HSF2BP: variants seen among roughly 807,000 people sequenced by gnomAD.
The protein encoded by HSF2BP is heat shock factor 2-binding protein.
Under a neutral mutation model 35.0 loss-of-function variants are expected in HSF2BP, and 35 were observed. That is an observed-to-expected ratio of 1.00 (90% CI 0.76 to 1.32). The LOEUF (loss-of-function observed/expected upper bound fraction) is 1.32. Ranked by LOEUF, HSF2BP falls within the 40% of genes most tolerant of loss-of-function variation. The pLI is 0.00. For synonymous variants in HSF2BP, 114 were observed against 117.4 expected, an observed-to-expected ratio of 0.97 and a Z score of 0.18; for missense variants, 326 against 321.7, an observed-to-expected ratio of 1.01 and a Z score of -0.10.
intron 8 of HSF2BP, among the ~76,000 whole-genome samples, chr21:43,576,176 T>G (rs2146679694): frequency 6.6e-6 from 1 of 150,956 alleles, no homozygotes; most frequent in Middle Eastern, 3.5e-3. Flanking sequence ...TATGTAATGA[T>G]ATCAATCTCA....
At chr21:43,625,293 T>C (rs971677584) in intron 6 of HSF2BP, among the ~76,000 whole-genome samples, 4 of 151,780 alleles carry the variant, frequency 2.6e-5, no homozygotes, top group African/African-American at 7.3e-5. Context: ...AGCAGATACA[T>C]GAAGCAAGCA....
At chr21:43,585,995 G>C (rs2081845900) in intron 8 of HSF2BP, among the ~76,000 whole-genome samples, 1 of 152,168 alleles carries the variant, frequency 6.6e-6, no homozygotes, top group South Asian at 2.1e-4. Flanking sequence ...CACAAATCTG[G>C]AGAACCTGAT....
chr21:43,631,297 T>C (rs1267900055), intron 5 of HSF2BP, among the ~76,000 whole-genome samples: 1 of 152,210 alleles, frequency 6.6e-6, no homozygotes, highest in East Asian at 1.9e-4. Flanking sequence ...TTTCCAGTCA[T>C]GATCACGCCA....
At chr21:43,644,688 T>C (rs1375673332) in intron 3 of HSF2BP, among the ~76,000 whole-genome samples, 2 of 152,204 alleles carry the variant, frequency 1.3e-5, no homozygotes, top group African/African-American at 4.8e-5. Context: ...AAACATGTTA[T>C]TTAAAGGATG....
intron 2 of HSF2BP, 69 bp from the exon 3 acceptor site, chr21:43,656,806 T>G: frequency 7.3e-7 from 1 of 1,371,554 alleles, no homozygotes; most frequent in Non-Finnish European, 1.0e-6. Context: ...TCAAGTTAAC[T>G]TGCTTTTCTT....
chr21:43,626,114 A>G (rs1234252393), intron 6 of HSF2BP, among the ~76,000 whole-genome samples: 6 of 152,232 alleles, frequency 3.9e-5, no homozygotes, highest in Non-Finnish European at 8.8e-5. Context: ...GAACGTATAG[A>G]ATGCTGCCCT....
chr21:43,656,929 T>C (rs546547401), intron 2 of HSF2BP, among the ~76,000 whole-genome samples, 192 bp from the exon 3 acceptor site: 1 of 152,314 alleles, frequency 6.6e-6, no homozygotes, highest in South Asian at 2.1e-4. Flanking sequence ...GCTTCAGCCT[T>C]CAAAAAGGGA....
intron 3 of HSF2BP, among the ~76,000 whole-genome samples, chr21:43,655,433 C>T (rs751073723): frequency 7.9e-5 from 12 of 152,310 alleles, no homozygotes; most frequent in Non-Finnish European, 1.8e-4. Context: ...GCAGAGATAA[C>T]AGAACCACCA....
Position 43,592,843 on chromosome 21 carries a change from G to C in HSF2BP, c.693-515C>G, listed in dbSNP as rs531014063. On this transcript the variant is annotated intron_variant, in intron 7 of 8. Transcript: ENST00000291560. ...ACCATCCCTCACAACCAACAGAGCAGTTTACTGAATAGGACAGGACTTTAT... is the reference window on the plus strand; with the variant it reads ...ACCATCCCTCACAACCAACAGAGCACTTTACTGAATAGGACAGGACTTTAT... 1.0e-3 allele frequency among the ~76,000 whole-genome samples: 153 copies of C among 152,280 alleles called. 2 individuals are homozygous for C. Among genetic ancestry groups the C allele is most frequent in the Admixed American group, 4.3e-3 (66 of 15,284 alleles).
chr21:43,576,423 G>A (rs2081644885), intron 8 of HSF2BP, among the ~76,000 whole-genome samples: 1 of 152,148 alleles, frequency 6.6e-6, no homozygotes, highest in Admixed American at 6.5e-5. Context: ...CTGGCATAAA[G>A]ATTACACCAA....
chr21:43,614,834 T>C (rs939535266), intron 6 of HSF2BP, among the ~76,000 whole-genome samples: 4 of 152,226 alleles, frequency 2.6e-5, no homozygotes, highest in Non-Finnish European at 5.9e-5. Flanking sequence ...GAATATTCAA[T>C]CTATATTTGC....
chr21:43,606,980 C>T lies in HSF2BP; in HGVS notation c.692+6850G>A, dbSNP rs530286684. 1.0e-3 allele frequency among the ~76,000 whole-genome samples: 152 copies of T among 152,246 alleles called. 2 individuals carry two copies. Among genetic ancestry groups the T allele is most frequent in the African/African-American group, 3.4e-3 (141 of 41,540 alleles). ...AAGACATAGAGATATCCACTCTTAC[C>T]GCACCTATTCAACACAGAACTGGAG... On this transcript the variant is annotated intron_variant, in intron 7 of 8. Coordinates refer to ENST00000291560, the MANE Select transcript of HSF2BP (RefSeq NM_007031.2).
chr21:43,612,891 C>T (rs936675959), intron 7 of HSF2BP, among the ~76,000 whole-genome samples: 6 of 152,258 alleles, frequency 3.9e-5, no homozygotes, highest in Middle Eastern at 3.4e-3. Flanking sequence ...TCCTACACTG[C>T]CCCTCTCCCC....
At position 43,630,422 on chromosome 21, in the gene HSF2BP, A is replaced by C; in HGVS notation, c.474T>G (p.Gly158=). ...ACTTCACAAAACTCTCCATTGTTTGACCAGTGATGCTGAAAAACTTCAAAG... is the reference window on the plus strand; with the variant it reads ...ACTTCACAAAACTCTCCATTGTTTGCCCAGTGATGCTGAAAAACTTCAAAG... ...DKALKFFSIT[G]QTMESFVKSL... is the part of the protein sequence containing the mutation. Residue 158 remains glycine, a synonymous_variant, in exon 6 of 9, where the codon GGT becomes GGG. Coordinates refer to ENST00000291560, the MANE Select transcript of HSF2BP (RefSeq NM_007031.2). 6.2e-7 allele frequency: 1 copy of C among 1,613,004 alleles called. No individual in the cohort carries two copies. Among genetic ancestry groups the C allele is most frequent in the Non-Finnish European group, 8.5e-7 (1 of 1,179,694 alleles).
At chr21:43,581,222 T>C (rs1193930582) in intron 8 of HSF2BP, among the ~76,000 whole-genome samples, 2 of 151,906 alleles carry the variant, frequency 1.3e-5, no homozygotes, top group Non-Finnish European at 2.9e-5. Flanking sequence ...CTGTCTCTAC[T>C]AAAAATACGA....
At chr21:43,628,700 A>C (rs1017931977) in intron 6 of HSF2BP, among the ~76,000 whole-genome samples, 2 of 152,250 alleles carry the variant, frequency 1.3e-5, no homozygotes, top group Non-Finnish European at 2.9e-5. Context: ...TTGGAAGAAG[A>C]CGCCATCTAG....
chr21:43,649,227 G>C (rs2082749479), intron 3 of HSF2BP, among the ~76,000 whole-genome samples: 1 of 151,560 alleles, frequency 6.6e-6, no homozygotes, highest in African/African-American at 2.4e-5. Context: ...CCTTTTGTTT[G>C]TTTTTCAGTT....
At chr21:43,607,706 C>T (rs2082151994) in intron 7 of HSF2BP, among the ~76,000 whole-genome samples, 1 of 152,150 alleles carries the variant, frequency 6.6e-6, no homozygotes, top group Admixed American at 6.5e-5. Context: ...TACTACCAGG[C>T]TACACTAACT....
chr21:43,575,083 C>T (rs2081625851), intron 8 of HSF2BP, among the ~76,000 whole-genome samples: 1 of 152,238 alleles, frequency 6.6e-6, no homozygotes, highest in African/African-American at 2.4e-5. Flanking sequence ...TTTCAGGCAG[C>T]TCCTTCATGT....
Sources: gnomAD v4.1 joint callset for allele counts (sites outside exome capture counted in the v4.1 genomes callset) on GRCh38, gnomAD v4.1.1 for gene constraint, MANE v1.5 for transcripts, NCBI Gene and HGNC (gene_info 2026-07-23, HGNC 2026-07-21) for gene names.